The following RNPEPL1 variants were observed in gnomAD, a reference collection of about 807,000 sequenced individuals.
RNPEPL1 encodes the protein arginyl aminopeptidase like 1, also known as aminopeptidase RNPEPL1.
Under a neutral mutation model 69.0 loss-of-function variants are expected in RNPEPL1, and 46 were observed. The observed-to-expected ratio is 0.67, with a 90% CI of 0.53 to 0.85. The LOEUF (loss-of-function observed/expected upper bound fraction) is 0.85, where lower values mean the gene tolerates loss of function less well. Among genes scored for constraint, RNPEPL1 ranks in the 40% least tolerant of loss-of-function variants. The pLI is 0.00. For missense variants in RNPEPL1, 869 were observed against 992.5 expected (o/e 0.88, Z 1.67); for synonymous variants, 525 against 454.1 (o/e 1.16, Z -1.98).
chr2:240,574,674 C>G lies in RNPEPL1; in HGVS notation c.1288+46C>G, dbSNP rs770694533. The G allele has an allele frequency of 3.4e-6, 5 of 1,458,350 alleles. No homozygotes were observed. The South Asian group carries it at 5.9e-5, about 17-fold the overall frequency. 90.3% of individuals were successfully genotyped at this position (1,458,350 alleles called of 1,614,324 possible). On this transcript the variant is annotated intron_variant, in intron 6 of 10. Transcript: ENST00000270357. ...GCTCCCACAACTGGGGATGTCACCCCTCAAGGCCTCCTTGCCTGCCCTTCG... is the reference window on the plus strand; with the variant it reads ...GCTCCCACAACTGGGGATGTCACCCGTCAAGGCCTCCTTGCCTGCCCTTCG...
In RNPEPL1 at chr2:240,575,040, C is replaced by A. The variant is rs550205817; in HGVS notation, c.1299C>A (p.Pro433=). The change falls in exon 7 of 11, where the codon CCC becomes CCA. Residue 433 remains proline, a synonymous_variant. Coordinates refer to ENST00000270357, the MANE Select transcript of RNPEPL1 (RefSeq NM_018226.6). The part of the protein sequence containing the change: ...LQVKLEPGVN[P]SHLMNLFTYE... ...GTGTTCACCTTGCAGGAGTGAATCC[C>A]AGCCACCTGATGAACCTGTTCACCT... 6 of 1,613,632 alleles carry A rather than the reference C, an allele frequency of 3.7e-6. No individual in the cohort carries two copies. The South Asian group carries it at 6.6e-5, about 18-fold the overall frequency.
intron 3 of RNPEPL1, 113 bp from the exon 4 acceptor site, chr2:240,573,662 C>T: frequency 1.1e-6 from 1 of 930,814 alleles, no homozygotes; most frequent in Non-Finnish European, 1.6e-6. Context: ...GGGTGGTCAG[C>T]CAGGCTGGGT....
intron 1 of RNPEPL1, among the ~76,000 whole-genome samples, chr2:240,571,286 C>T (rs1278919544): frequency 6.6e-6 from 1 of 152,140 alleles, no homozygotes. Flanking sequence ...GCGGGGGAGG[C>T]AGCCCTCCTG....
chr2:240,571,381 G>A (rs2093020989), intron 1 of RNPEPL1, among the ~76,000 whole-genome samples: 1 of 152,196 alleles, frequency 6.6e-6, no homozygotes, highest in Non-Finnish European at 1.5e-5. Context: ...TCATGGTCAT[G>A]GGAGGGCCTC....
In RNPEPL1 at chr2:240,577,819, C is replaced by T. The variant is rs1294108244; in HGVS notation, c.2105C>T (p.Ala702Val). Residue 702 changes from alanine (A) to valine (V), a missense_variant, in exon 11 of 11, where the codon GCA becomes GTA. Physicochemically the swap from Ala to Val is moderately conservative, Grantham distance 64. Around this residue, in one of 2 missense-constraint regions of RNPEPL1, gnomAD observed 610 missense variants for 790.9 expected, o/e 0.77. Coordinates refer to ENST00000270357, the MANE Select transcript of RNPEPL1 (RefSeq NM_018226.6). Reference sequence around the variant, plus strand: ...GCTGAAGCAGACACAGACTCGGACGCACAGGCCCTGCTGCTTGGGGACGAG... The same window carrying T: ...GCTGAAGCAGACACAGACTCGGACGTACAGGCCCTGCTGCTTGGGGACGAG... ...GKAEADTDSD[A>V]QALLLGDEAP... 1 of 1,603,798 alleles carries T rather than the reference C, an allele frequency of 6.2e-7. No homozygotes were observed. The highest frequency in any genetic ancestry group is 1.3e-5 in the African/African-American group (1 of 74,692).
rs1285440692 is a variant in RNPEPL1 at position 240,578,943 on chromosome 2, A to G, written c.*1051A>G. ...TGAGTAGCCTCTGGATGTCACAGGA[A>G]AGCCATGTGTCACCTTCACTCTGGG... On this transcript the variant is annotated 3_prime_UTR_variant, in exon 11 of 11. Coordinates refer to ENST00000270357, the MANE Select transcript of RNPEPL1 (RefSeq NM_018226.6). The G allele has an allele frequency of 2.6e-5, 4 of 152,258 alleles. No individual in the cohort carries two copies. In the East Asian group the frequency reaches 7.7e-4, roughly 29 times the overall value. 9.4% of individuals were successfully genotyped at this position (152,258 alleles called of 1,614,324 possible).
rs1264608044 is a variant in RNPEPL1 at position 240,579,703 on chromosome 2, C to G, written c.*1811C>G. The G allele has an allele frequency of 6.6e-6, 1 of 152,250 alleles. No homozygotes were observed. Among genetic ancestry groups the G allele is most frequent in the East Asian group, 1.9e-4 (1 of 5,178 alleles). The allele number at this position is 152,250 out of a possible 1,614,324, so 9.4% of individuals were successfully genotyped here. Reference sequence around the variant, plus strand: ...GTTCTCTGTGGCCTGGGGCTCCAGCCTTGGGAGGACCCCTTTCCTGTTTCT... The same window carrying G: ...GTTCTCTGTGGCCTGGGGCTCCAGCGTTGGGAGGACCCCTTTCCTGTTTCT... On this transcript the variant is annotated 3_prime_UTR_variant, in exon 11 of 11. Coordinates refer to ENST00000270357, the MANE Select transcript of RNPEPL1 (RefSeq NM_018226.6).
chr2:240,573,402 C>T (rs2093028129), intron 3 of RNPEPL1, 141 bp downstream of exon 3: 1 of 566,630 alleles, frequency 1.8e-6, no homozygotes, highest in Non-Finnish European at 2.6e-6. Context: ...CTGCCCCTGC[C>T]TTGGTGCCAC....
intron 7 of RNPEPL1, 57 bp downstream of exon 7, chr2:240,575,199 G>A (rs533642796): frequency 1.2e-5 from 16 of 1,337,706 alleles, no homozygotes; most frequent in East Asian, 4.6e-5. Flanking sequence ...GCCCCTCCCC[G>A]GCTCACAGGG....
In RNPEPL1 at chr2:240,573,904, G is replaced by T. The variant is rs777176622; in HGVS notation, c.938+13G>T. 1.9e-6 allele frequency: 3 copies of T among 1,573,082 alleles called. No individual in the cohort carries two copies. The highest frequency in any genetic ancestry group is 2.6e-6 in the Non-Finnish European group (3 of 1,157,642). On this transcript the variant is annotated intron_variant, in intron 4 of 10. Transcript: ENST00000270357. ...ACATGTGGGGCAGGTAGGCCCCGGGGACCTGTGGACCTGGCTGGCTGGAAG... is the reference window on the plus strand; with the variant it reads ...ACATGTGGGGCAGGTAGGCCCCGGGTACCTGTGGACCTGGCTGGCTGGAAG...
At position 240,568,748 on chromosome 2, in the gene RNPEPL1, G is replaced by A. The variant is rs1463854532; in HGVS notation, c.162G>A (p.Ala54=). The A allele has an allele frequency of 3.8e-6, 4 of 1,063,214 alleles. No homozygotes were observed. The highest frequency in any genetic ancestry group is 2.3e-6 in the Non-Finnish European group (2 of 879,278). 65.9% of individuals were successfully genotyped at this position (1,063,214 alleles called of 1,614,324 possible). Residue 54 remains alanine, a synonymous_variant, in exon 1 of 11, where the codon GCG becomes GCA. Transcript: ENST00000270357. The surrounding 1 kb of genome is among the most constrained non-coding windows in gnomAD (Gnocchi z 6.2). ...TGGGCCTGGAGCTGCGGCCCGAGGCGCGCGAGTTGGCCGGCTGCCTGGTGC... is the reference window on the plus strand; with the variant it reads ...TGGGCCTGGAGCTGCGGCCCGAGGCACGCGAGTTGGCCGGCTGCCTGGTGC... The part of the protein sequence containing the change: ...LQLGLELRPE[A]RELAGCLVLE...
chr2:240,574,374 CCACGGGGGGCCCTGGGCACT>C, intron 5 of RNPEPL1, 26 bp downstream of exon 5: 1 of 1,583,432 alleles, frequency 6.3e-7, no homozygotes, highest in Non-Finnish European at 8.6e-7. Flanking sequence ...GGGAGGGCAG[CCACGGGGGGCCCTGGGCACT>C]GGTCCAGGGG....
At chr2:240,576,384 T>G in intron 8 of RNPEPL1, 151 bp from the exon 9 acceptor site, 1 of 670,692 alleles carries the variant, frequency 1.5e-6, no homozygotes, top group Non-Finnish European at 2.5e-6. Context: ...CAGTGCTGGC[T>G]GGAGCTGACT....
chr2:240,578,230 C>A lies in RNPEPL1; in HGVS notation c.*338C>A, dbSNP rs2093043570. On this transcript the variant is annotated 3_prime_UTR_variant, in exon 11 of 11. Transcript: ENST00000270357. ...GCCCCGGGGCAAGGGCCCCAGCAGC[C>A]CTATGGTGACCGCCACACTGTGCCT... The A allele has an allele frequency of 4.2e-6, 1 of 235,294 alleles. No individual in the cohort carries two copies. The highest frequency in any genetic ancestry group is 2.2e-5 in the African/African-American group (1 of 45,050). The allele number at this position is 235,294 out of a possible 1,614,324, so 14.6% of individuals were successfully genotyped here. A position where few individuals can be genotyped will look rare whatever the true frequency, so the allele number is the denominator to read the frequency against.
At chr2:240,574,907 G>A (rs560762942) in intron 6 of RNPEPL1, 123 bp from the exon 7 acceptor site, 9 of 797,240 alleles carry the variant, frequency 1.1e-5, no homozygotes, top group African/African-American at 1.7e-5. Flanking sequence ...GTACACATCT[G>A]GACATGTGAG....
intron 3 of RNPEPL1, 152 bp downstream of exon 3, chr2:240,573,413 C>CGCGAGGGCCCTGCCT: frequency 1.3e-6 from 1 of 750,098 alleles, no homozygotes; most frequent in Non-Finnish European, 2.1e-6. Context: ...TTGGTGCCAC[C>CGCGAGGGCCCTGCCT]GCCAGGGCCC....
Position 240,575,158 on chromosome 2 carries a change from C to T in RNPEPL1, c.1401+16C>T, listed in dbSNP as rs745688082. 2 of 1,592,678 alleles carry T rather than the reference C, an allele frequency of 1.3e-6. No homozygotes were observed. The highest frequency in any genetic ancestry group is 1.7e-6 in the Non-Finnish European group (2 of 1,161,522). On this transcript the variant is annotated intron_variant, in intron 7 of 10. Coordinates refer to ENST00000270357, the MANE Select transcript of RNPEPL1 (RefSeq NM_018226.6). ...CTTTCTCCGAGTGAGCAGCCCCCTG[C>T]CCGGGACGGCCCTGCTGCCATCTGC... is the stretch of plus-strand genomic sequence containing the variant.
chr2:240,572,823 G>C (rs559847180), intron 2 of RNPEPL1, among the ~76,000 whole-genome samples: 6 of 152,356 alleles, frequency 3.9e-5, no homozygotes, highest in Admixed American at 2.6e-4. Context: ...AGGGTCCCCA[G>C]ACAAGGGGTC....
In RNPEPL1 at chr2:240,580,216, A is replaced by T. The variant is rs1575440748; in HGVS notation, c.*2324A>T. 1 of 152,084 alleles carries T rather than the reference A, an allele frequency of 6.6e-6. No homozygotes were observed. The highest frequency in any genetic ancestry group is 1.5e-5 in the Non-Finnish European group (1 of 68,046). 9.4% of individuals were successfully genotyped at this position (152,084 alleles called of 1,614,324 possible). A position where few individuals can be genotyped will look rare whatever the true frequency, so the allele number is the denominator to read the frequency against. On this transcript the variant is annotated 3_prime_UTR_variant, in exon 11 of 11. Coordinates refer to ENST00000270357, the MANE Select transcript of RNPEPL1 (RefSeq NM_018226.6). ...TCGCTTCCCTGCAGTCCCTTGTCCA[A>T]TGCAGCCTCCGGCCGATACTCAGGC...
Sources: allele counts gnomAD v4.1 joint callset (sites outside exome capture counted in the v4.1 genomes callset), GRCh38; gene constraint gnomAD v4.1.1; regional missense constraint gnomAD v4.1.1; non-coding constraint Gnocchi (gnomAD v3.1); transcripts MANE v1.5; gene names NCBI Gene and HGNC (gene_info 2026-07-23, HGNC 2026-07-21).